Variants in PDE3A observed in about 807,000 individuals in gnomAD.
PDE3A encodes cGMP-inhibited 3',5'-cyclic phosphodiesterase 3A.
Under a neutral mutation model 98.3 loss-of-function variants are expected in PDE3A, and 43 were observed. That is an observed-to-expected ratio of 0.44 (90% CI 0.34 to 0.56). The LOEUF is 0.56. Among genes scored for constraint, PDE3A ranks in the 20% least tolerant of loss-of-function variants. The probability of loss-of-function intolerance (pLI) is 0.01; values close to 1 mark genes in which losing one functional copy is unlikely to be tolerated. For synonymous variants in PDE3A, 663 were observed against 567.9 expected (o/e 1.17, Z -2.38); for missense variants, 1,427 against 1,440.7 (o/e 0.99, Z 0.15).
At chr12:20,477,844 G>A (rs779692351) in intron 1 of PDE3A, among the ~76,000 whole-genome samples, 16 of 152,056 alleles carry the variant, frequency 1.1e-4, no homozygotes, top group Non-Finnish European at 1.9e-4. Flanking sequence ...CCTTTCTTTA[G>A]AACAACAAAG....
At position 20,685,549 on chromosome 12, in the gene PDE3A, A is replaced by G. The variant is rs770492402; in HGVS notation, c.*5278A>G. Among the ~76,000 whole-genome samples, 1 of 152,100 alleles carries G rather than the reference A, an allele frequency of 6.6e-6. No homozygotes were observed. Among genetic ancestry groups the G allele is most frequent in the Non-Finnish European group, 1.5e-5 (1 of 68,018 alleles). ...ATACTGACCTAGTATCAGTGTAGGTAAGACCATAAAATACAGTGTATAGAA... is the reference window on the plus strand; with the variant it reads ...ATACTGACCTAGTATCAGTGTAGGTGAGACCATAAAATACAGTGTATAGAA... On this transcript the variant is annotated 3_prime_UTR_variant, in exon 16 of 16. Coordinates refer to ENST00000359062, the MANE Select transcript of PDE3A (RefSeq NM_000921.5).
chr12:20,560,368 G>A (rs777740470), intron 2 of PDE3A, among the ~76,000 whole-genome samples: 2 of 152,194 alleles, frequency 1.3e-5, no homozygotes, highest in Non-Finnish European at 2.9e-5. Context: ...AGGTGGAGGA[G>A]AAATGATTCA....
At chr12:20,520,885 A>G (rs141577493) in intron 1 of PDE3A, among the ~76,000 whole-genome samples, 2 of 152,314 alleles carry the variant, frequency 1.3e-5, no homozygotes, top group East Asian at 3.9e-4. Flanking sequence ...CTTGGGACTC[A>G]TGCTGCAAAG....
At chr12:20,654,497 G>GTTTGTTTTTTGTTT (rs56728333) in intron 15 of PDE3A, among the ~76,000 whole-genome samples, 25 of 150,128 alleles carry the variant, frequency 1.7e-4, no homozygotes, top group Admixed American at 2.7e-4. Flanking sequence ...CTGGTTTTTT[G>GTTTGTTTTTTGTTT]TTTGTTTTTT....
intron 1 of PDE3A, among the ~76,000 whole-genome samples, chr12:20,398,590 A>G (rs1944063323): frequency 6.6e-6 from 1 of 152,052 alleles, no homozygotes; most frequent in Non-Finnish European, 1.5e-5. Context: ...TAGCCTAATA[A>G]GAGAGCTTTA....
At chr12:20,436,739 G>A (rs917546080) in intron 1 of PDE3A, among the ~76,000 whole-genome samples, 10 of 152,114 alleles carry the variant, frequency 6.6e-5, no homozygotes, top group Non-Finnish European at 1.2e-4. Context: ...TTTTTCTCTC[G>A]TAGAGGGGAA....
chr12:20,440,151 GT>G (rs1427051620), intron 1 of PDE3A, among the ~76,000 whole-genome samples: 1 of 152,172 alleles, frequency 6.6e-6, no homozygotes, highest in Non-Finnish European at 1.5e-5. Flanking sequence ...TTCAAGGGAT[GT>G]TTCAAAGAGT....
At chr12:20,602,293 T>A (rs1319601357) in intron 2 of PDE3A, among the ~76,000 whole-genome samples, 1 of 152,218 alleles carries the variant, frequency 6.6e-6, no homozygotes, top group Non-Finnish European at 1.5e-5. Context: ...GCTAAGGTTA[T>A]CTTCTGAAAG....
intron 9 of PDE3A, 78 bp from the exon 10 acceptor site, chr12:20,639,768 T>C: frequency 1.5e-6 from 1 of 682,966 alleles, no homozygotes; most frequent in Non-Finnish European, 2.7e-6. Context: ...TACCGATATT[T>C]ACCTAGTTTC....
chr12:20,372,216 T>C (rs1475231386), intron 1 of PDE3A, among the ~76,000 whole-genome samples: 1 of 152,194 alleles, frequency 6.6e-6, no homozygotes, highest in Non-Finnish European at 1.5e-5. Context: ...GCATATTTAA[T>C]GTTTTGCTGA....
At chr12:20,453,299 G>T (rs561990784) in intron 1 of PDE3A, among the ~76,000 whole-genome samples, 8 of 150,272 alleles carry the variant, frequency 5.3e-5, no homozygotes, top group Admixed American at 2.7e-4. Context: ...TCAGCCTCCC[G>T]AGTAGCTGGG....
chr12:20,511,931 T>C (rs1946232279), intron 1 of PDE3A, among the ~76,000 whole-genome samples: 1 of 152,008 alleles, frequency 6.6e-6, no homozygotes, highest in African/African-American at 2.4e-5. Flanking sequence ...TCCTCAAAAA[T>C]CCATAACTCC....
At chr12:20,506,939 A>T (rs1311480042) in intron 1 of PDE3A, among the ~76,000 whole-genome samples, 1 of 152,094 alleles carries the variant, frequency 6.6e-6, no homozygotes, top group African/African-American at 2.4e-5. Flanking sequence ...AAGACTACTT[A>T]TTTAGTAAAT....
At chr12:20,480,261 C>T (rs950616065) in intron 1 of PDE3A, among the ~76,000 whole-genome samples, 5 of 152,092 alleles carry the variant, frequency 3.3e-5, no homozygotes, top group African/African-American at 9.7e-5. Context: ...GTTAATTGTA[C>T]GAAAACCACA....
intron 3 of PDE3A, among the ~76,000 whole-genome samples, chr12:20,615,531 T>A (rs2121461721): frequency 6.6e-6 from 1 of 152,260 alleles, no homozygotes; most frequent in African/African-American, 2.4e-5. Context: ...CAAGGTGATA[T>A]AAATTAATTC....
intron 15 of PDE3A, among the ~76,000 whole-genome samples, chr12:20,677,573 C>A (rs1302423808): frequency 6.6e-6 from 1 of 152,100 alleles, no homozygotes; most frequent in Non-Finnish European, 1.5e-5. Context: ...AATTCTCCTG[C>A]CTCAGCCTTC....
At chr12:20,463,928 G>A (rs569540002) in intron 1 of PDE3A, among the ~76,000 whole-genome samples, 22 of 152,204 alleles carry the variant, frequency 1.4e-4, no homozygotes, top group African/African-American at 5.3e-4. Flanking sequence ...TTTACAAAAC[G>A]AAGACCATAT....
At chr12:20,475,745 T>C (rs1388696797) in intron 1 of PDE3A, among the ~76,000 whole-genome samples, 2 of 151,930 alleles carry the variant, frequency 1.3e-5, no homozygotes, top group African/African-American at 4.8e-5. Context: ...ATACACAATC[T>C]TGGTATGTAA....
chr12:20,551,389 T>C (rs1469745830), intron 1 of PDE3A, among the ~76,000 whole-genome samples: 1 of 150,928 alleles, frequency 6.6e-6, no homozygotes, highest in Non-Finnish European at 1.5e-5. Flanking sequence ...TGTCCTCTTT[T>C]GTAATAAAAA....
Sources: gnomAD v4.1 joint callset for allele counts (sites outside exome capture counted in the v4.1 genomes callset) on GRCh38, gnomAD v4.1.1 for gene constraint, MANE v1.5 for transcripts, NCBI Gene and HGNC (gene_info 2026-07-23, HGNC 2026-07-21) for gene names.